MRM1: variants seen among roughly 807,000 people sequenced by gnomAD.
The protein encoded by MRM1 is rRNA methyltransferase 1, mitochondrial.
MRM1 carries 24 observed loss-of-function variants against 25.0 expected under a neutral mutation model. That is an observed-to-expected ratio of 0.96 (90% CI 0.69 to 1.35). MRM1 has a LOEUF of 1.35. MRM1 is among the 40% of genes most tolerant of loss of function. The probability of loss-of-function intolerance (pLI) is 0.00; values close to 1 mark genes in which losing one functional copy is unlikely to be tolerated. For synonymous variants in MRM1, 188 were observed against 199.2 expected (o/e 0.94, Z 0.47); for missense variants, 431 against 464.1 (o/e 0.93, Z 0.65).
At chr17:36,622,012 T>C in the MRM1 span, among the ~76,000 whole-genome samples, 1 of 152,130 alleles carries the variant, frequency 6.6e-6, no homozygotes, top group Non-Finnish European at 1.5e-5. Context: ...ACAGGTGTGT[T>C]TGCGTGACTG....
the MRM1 span, among the ~76,000 whole-genome samples, chr17:36,618,681 C>T: frequency 6.6e-6 from 1 of 152,196 alleles, no homozygotes; most frequent in Admixed American, 6.5e-5. Context: ...GGAAGCTGCC[C>T]AACTCCAACC....
chr17:36,617,947 C>T, the MRM1 span, among the ~76,000 whole-genome samples: 9 of 152,208 alleles, frequency 5.9e-5, no homozygotes, highest in Non-Finnish European at 1.2e-4. Flanking sequence ...CCTGTGCCCT[C>T]GGGGCTGATC....
chr17:36,622,571 CAAA>C, the MRM1 span, among the ~76,000 whole-genome samples: 5 of 104,280 alleles, frequency 4.8e-5, no homozygotes, highest in Non-Finnish European at 2.1e-5. Context: ...GACTCCGTCT[CAAA>C]AAAAAAAAAA....
chr17:36,627,791 A>T, the MRM1 span, among the ~76,000 whole-genome samples: 2 of 146,480 alleles, frequency 1.4e-5, no homozygotes, highest in African/African-American at 5.1e-5. Flanking sequence ...CTCCTGCCTC[A>T]GCCTCCCGAG....
downstream of MRM1, among the ~76,000 whole-genome samples, chr17:36,611,043 G>A (rs2074974088): frequency 6.6e-6 from 1 of 152,058 alleles, no homozygotes; most frequent in Non-Finnish European, 1.5e-5. Context: ...CAAATTCCCT[G>A]ACCTCAGGTG....
At chr17:36,619,968 T>C in the MRM1 span, among the ~76,000 whole-genome samples, 2 of 152,208 alleles carry the variant, frequency 1.3e-5, no homozygotes, top group Non-Finnish European at 2.9e-5. Context: ...CATCTTTTCA[T>C]AGGCTTGCTG....
At chr17:36,617,295 A>G in the MRM1 span, among the ~76,000 whole-genome samples, 2 of 151,950 alleles carry the variant, frequency 1.3e-5, no homozygotes, top group Non-Finnish European at 2.9e-5. Flanking sequence ...TGTAAGATAG[A>G]GCCAATAACT....
At chr17:36,633,710 T>G in the MRM1 span, among the ~76,000 whole-genome samples, 1 of 152,026 alleles carries the variant, frequency 6.6e-6, no homozygotes. Flanking sequence ...CAGAGCTGCT[T>G]ATTTTATTTT....
rs767995489 is a variant in MRM1, at chr17:36,601,807, C to G, written c.-4C>G. The G allele has an allele frequency of 1.1e-5, 17 of 1,533,652 alleles. No individual in the cohort carries two copies. Among genetic ancestry groups the G allele is most frequent in the Non-Finnish European group, 1.4e-5 (16 of 1,141,996 alleles). On this transcript the variant is annotated 5_prime_UTR_variant, in exon 1 of 5. Transcript: ENST00000614766. ...GGCATCGAGTCCCTGGCGGGAGCTGCGCCATGGCATTGCTCTCGACCGTCC... is the reference window on the plus strand; with the variant it reads ...GGCATCGAGTCCCTGGCGGGAGCTGGGCCATGGCATTGCTCTCGACCGTCC...
chr17:36,605,032 C>T (rs573045662), intron 2 of MRM1, among the ~76,000 whole-genome samples: 2 of 151,222 alleles, frequency 1.3e-5, no homozygotes, highest in Admixed American at 1.3e-4. Flanking sequence ...CCCAGCTGCT[C>T]GGGAGGCTGA....
chr17:36,616,421 C>A, the MRM1 span, among the ~76,000 whole-genome samples: 171 of 152,314 alleles, frequency 1.1e-3, 1 homozygote, highest in African/African-American at 4.0e-3. Flanking sequence ...TGCTTCACAG[C>A]CTCCCTCAGC....
In MRM1 at chr17:36,601,904, G is replaced by T; in HGVS notation, c.94G>T (p.Gly32Trp). The change falls in exon 1 of 5, where the codon GGG (glycine) becomes TGG (tryptophan). Residue 32 changes from glycine (G) to tryptophan (W), a missense_variant. Transcript: ENST00000614766. The stretch of plus-strand genomic sequence containing the variant: ...AGCGCGGCATGGGGAGCGGCCTGGT[G>T]GGGAGGAGCTAAGCCGCTTGCTGCT... ...HAARHGERPG[G>W]EELSRLLLDD... 6.2e-7 allele frequency: 1 copy of T among 1,611,914 alleles called. No homozygotes were observed.
chr17:36,632,004 A>G, the MRM1 span, among the ~76,000 whole-genome samples: 3 of 152,134 alleles, frequency 2.0e-5, no homozygotes, highest in Non-Finnish European at 2.9e-5. Context: ...CCAGGGAAAA[A>G]TAACCACACC....
At chr17:36,628,900 C>G in the MRM1 span, among the ~76,000 whole-genome samples, 1 of 151,994 alleles carries the variant, frequency 6.6e-6, no homozygotes, top group South Asian at 2.1e-4. Flanking sequence ...TCTTTTGACT[C>G]CATCAGGCTG....
At chr17:36,613,822 C>A (rs574182535), downstream of MRM1, among the ~76,000 whole-genome samples, 1 of 152,126 alleles carries the variant, frequency 6.6e-6, no homozygotes. Flanking sequence ...CAGGAGTTCT[C>A]GGTGGGTCAG....
At chr17:36,603,088 C>T (rs1428099160) in intron 2 of MRM1, 1 of 985,242 alleles carries the variant, frequency 1.0e-6, no homozygotes, top group Non-Finnish European at 1.2e-6. Flanking sequence ...CCTCTCCCAT[C>T]CGTTTGTCTT....
chr17:36,607,491 C>T (rs976532606), intron 2 of MRM1, among the ~76,000 whole-genome samples, 179 bp from the exon 3 acceptor site: 6 of 151,358 alleles, frequency 4.0e-5, no homozygotes, highest in Admixed American at 6.6e-5. Flanking sequence ...GGTGGGGTGG[C>T]GAGTGCCTGT....
Position 36,602,677 on chromosome 17 carries a change from T to C in MRM1, c.636+31T>C, listed in dbSNP as rs1426363953. ...GAGGGGCAAGAGGGGAAGGAACAGA[T>C]GTGAGCCCAGCTCAGCCTCTTCAAG... On this transcript the variant is annotated intron_variant, in intron 2 of 4. Coordinates refer to ENST00000614766, the MANE Select transcript of MRM1 (RefSeq NM_024864.5). This position sits in a 1 kb window ranked among gnomAD's most constrained non-coding sequence, Gnocchi z 4.1. 1 of 1,611,310 alleles carries C rather than the reference T, an allele frequency of 6.2e-7. No homozygotes were observed. Among genetic ancestry groups the C allele is most frequent in the East Asian group, 2.2e-5 (1 of 44,878 alleles).
chr17:36,616,159 C>T, the MRM1 span, among the ~76,000 whole-genome samples: 8 of 152,330 alleles, frequency 5.3e-5, no homozygotes, highest in Middle Eastern at 3.4e-3. Context: ...CCAGGTCCCA[C>T]CACAGGGCCA....
Sources: gnomAD v4.1 joint callset for allele counts (sites outside exome capture counted in the v4.1 genomes callset) on GRCh38, gnomAD v4.1.1 for gene constraint, Gnocchi (gnomAD v3.1) non-coding constraint, MANE v1.5 for transcripts, NCBI Gene and HGNC (gene_info 2026-07-23, HGNC 2026-07-21) for gene names.